The following MYO5C variants were observed in gnomAD, a reference collection of about 807,000 sequenced individuals.
MYO5C encodes unconventional myosin-Vc.
MYO5C carries 194 observed loss-of-function variants against 235.7 expected under a neutral mutation model. That is an observed-to-expected ratio of 0.82 (90% CI 0.73 to 0.93). The LOEUF is 0.93. Among genes scored for constraint, MYO5C ranks in the 40% least tolerant of loss-of-function variants. The pLI is 0.00. For synonymous variants in MYO5C, 707 were observed against 754.8 expected (o/e 0.94, Z 1.04); for missense variants, 2,038 against 2,127.2 (o/e 0.96, Z 0.82).
rs756501335 is a variant in MYO5C at position 52,264,179 on chromosome 15, G to T, written c.1047+11C>A. 3.1e-6 allele frequency: 5 copies of T among 1,587,788 alleles called. No homozygotes were observed. The African/African-American group carries it at 4.0e-5, about 13-fold the overall frequency. On this transcript the variant is annotated intron_variant, in intron 9 of 40. Coordinates refer to ENST00000261839, the MANE Select transcript of MYO5C (RefSeq NM_018728.4). ...TAGACAAAGGAAAAGTAAAACAAAT[G>T]AGCATCTCACACTAACTGAGGACCT... is the stretch of plus-strand genomic sequence containing the variant.
chr15:52,226,017 T>C (rs1596160573), intron 25 of MYO5C, among the ~76,000 whole-genome samples: 1 of 147,232 alleles, frequency 6.8e-6, no homozygotes, highest in South Asian at 2.2e-4. Flanking sequence ...ACCATTGCAC[T>C]CCAGCCTGGG....
At chr15:52,276,567 CT>C (rs1189456149) in intron 4 of MYO5C, among the ~76,000 whole-genome samples, 2 of 152,140 alleles carry the variant, frequency 1.3e-5, no homozygotes, top group African/African-American at 4.8e-5. Context: ...AAATGAGCCA[CT>C]TTTTCAACCA....
At chr15:52,200,631 A>T (rs1273775691) in intron 38 of MYO5C, among the ~76,000 whole-genome samples, 2 of 152,124 alleles carry the variant, frequency 1.3e-5, no homozygotes, top group Admixed American at 1.3e-4. Context: ...AAAATATCCA[A>T]TATACAATTC....
At chr15:52,214,735 A>G (rs1288920749) in intron 32 of MYO5C, 45 bp from the exon 33 acceptor site, 1 of 1,354,562 alleles carries the variant, frequency 7.4e-7, no homozygotes, top group Non-Finnish European at 9.9e-7. Context: ...GAAGCACTTT[A>G]ATCTATTTTT....
intron 40 of MYO5C, among the ~76,000 whole-genome samples, chr15:52,194,645 T>G (rs1382597754): frequency 6.6e-6 from 1 of 151,984 alleles, no homozygotes; most frequent in Non-Finnish European, 1.5e-5. Context: ...CAAAGAAAAT[T>G]TAGTGAGAAG....
At chr15:52,245,050 A>C (rs1356735729) in intron 18 of MYO5C, among the ~76,000 whole-genome samples, 4 of 152,134 alleles carry the variant, frequency 2.6e-5, no homozygotes, top group Non-Finnish European at 5.9e-5. Flanking sequence ...CTTGGTGACA[A>C]CCCCAGTTGA....
intron 5 of MYO5C, among the ~76,000 whole-genome samples, chr15:52,273,523 T>C (rs2140847560): frequency 6.6e-6 from 1 of 152,204 alleles, no homozygotes; most frequent in South Asian, 2.1e-4. Flanking sequence ...GTGGAGCCCC[T>C]GGGAGTGGGA....
At chr15:52,245,561 G>A (rs973923144) in intron 17 of MYO5C, 96 bp from the exon 18 acceptor site, 9 of 861,636 alleles carry the variant, frequency 1.0e-5, no homozygotes, top group Admixed American at 1.7e-5. Context: ...GTCATAGGGC[G>A]GGGGTGGTGC....
At chr15:52,195,272 G>A (rs1290158447) in intron 40 of MYO5C, 105 bp downstream of exon 40, 1 of 770,052 alleles carries the variant, frequency 1.3e-6, no homozygotes, top group Non-Finnish European at 2.0e-6. Flanking sequence ...TGTATATGTG[G>A]GTAAATGTAC....
In MYO5C at chr15:52,192,629, G is replaced by C. The variant is rs1357154260; in HGVS notation, c.*1273C>G. 2 of 152,128 alleles carry C rather than the reference G, an allele frequency of 1.3e-5. No homozygotes were observed. The highest frequency in any genetic ancestry group is 2.9e-5 in the Non-Finnish European group (2 of 68,034). 9.4% of individuals were successfully genotyped at this position (152,128 alleles called of 1,614,324 possible). ...GGAGTGCTTATCAAATGAGGTTTTA[G>C]GCTCTGAAAGGAAGGAATGAGAAGG... On this transcript the variant is annotated 3_prime_UTR_variant, in exon 41 of 41. Coordinates refer to ENST00000261839, the MANE Select transcript of MYO5C (RefSeq NM_018728.4).
chr15:52,230,752 TA>T (rs34193327), intron 24 of MYO5C, among the ~76,000 whole-genome samples: 24 of 148,550 alleles, frequency 1.6e-4, no homozygotes, highest in African/African-American at 5.5e-4. Context: ...CCAGGTTTTT[TA>T]AAAAAAAACT....
intron 38 of MYO5C, among the ~76,000 whole-genome samples, chr15:52,200,164 T>G (rs2035152923): frequency 6.6e-6 from 1 of 152,142 alleles, no homozygotes; most frequent in South Asian, 2.1e-4. Context: ...CCCTTACACA[T>G]GGAAATGGCA....
At position 52,218,684 on chromosome 15, in the gene MYO5C, G is replaced by A. The variant is rs371813097; in HGVS notation, c.3789C>T (p.Ala1263=). 3.2e-5 allele frequency: 51 copies of A among 1,613,928 alleles called. No individual in the cohort carries two copies. In the African/African-American group the frequency reaches 6.5e-4, roughly 21 times the overall value. ...SQEEEGTQRK[A]LEAQNEIHTK... is the part of the protein sequence containing the mutation. ...TATGTATTTCATTTTGGGCTTCCAA[G>A]GCCCTGAGAAAGGGAGGGAGGAATG... The change falls in exon 32 of 41, where the codon GCC becomes GCT. Residue 1263 remains alanine (A), a synonymous_variant. Coordinates refer to ENST00000261839, the MANE Select transcript of MYO5C (RefSeq NM_018728.4).
chr15:52,210,457 T>G (rs1253913712), intron 35 of MYO5C, among the ~76,000 whole-genome samples: 1 of 152,224 alleles, frequency 6.6e-6, no homozygotes, highest in Non-Finnish European at 1.5e-5. Flanking sequence ...CCTTCCAATA[T>G]GGATCAGTAC....
At chr15:52,276,627 T>C (rs979212318) in intron 4 of MYO5C, among the ~76,000 whole-genome samples, 3 of 152,174 alleles carry the variant, frequency 2.0e-5, no homozygotes, top group African/African-American at 7.2e-5. Flanking sequence ...ATGGGCCACC[T>C]TGCAAGCAGG....
rs1025597028 is a variant in MYO5C at position 52,277,447 on chromosome 15, G to A, written c.449+1426C>T. 5.3e-5 allele frequency among the ~76,000 whole-genome samples: 8 copies of A among 152,068 alleles called. No homozygotes were observed. In the East Asian group the frequency reaches 5.8e-4, roughly 11 times the overall value. ...GGGTTAGAAGGAATCTTGGTGCAGC[G>A]GAAGCTGCTAATTCTCTACCCAGTA... is the stretch of plus-strand genomic sequence containing the variant. On this transcript the variant is annotated intron_variant, in intron 4 of 40. Coordinates refer to ENST00000261839, the MANE Select transcript of MYO5C (RefSeq NM_018728.4).
At chr15:52,203,316 C>T (rs952145349) in intron 38 of MYO5C, among the ~76,000 whole-genome samples, 8 of 152,154 alleles carry the variant, frequency 5.3e-5, no homozygotes, top group Admixed American at 1.3e-4. Flanking sequence ...GAGTTACAAA[C>T]AATCCATTAC....
At chr15:52,272,498 G>T (rs1400598711) in intron 6 of MYO5C, 82 bp downstream of exon 6, 11 of 1,363,014 alleles carry the variant, frequency 8.1e-6, no homozygotes, top group African/African-American at 1.4e-5. Flanking sequence ...ACAGCATAGT[G>T]TAGCTTGCCT....
intron 8 of MYO5C, among the ~76,000 whole-genome samples, chr15:52,266,124 T>C (rs2036805577): frequency 6.6e-6 from 1 of 152,058 alleles, no homozygotes. Flanking sequence ...CTTAAACTAC[T>C]CCAGGCCTTC....
Sources: allele counts gnomAD v4.1 joint callset (sites outside exome capture counted in the v4.1 genomes callset), GRCh38; gene constraint gnomAD v4.1.1; transcripts MANE v1.5; gene names NCBI Gene and HGNC (gene_info 2026-07-23, HGNC 2026-07-21).